Variants in GRK5 observed in about 807,000 individuals in gnomAD.
GRK5 encodes g protein-coupled receptor kinase GRK5.
Under a neutral mutation model 78.4 loss-of-function variants are expected in GRK5, and 40 were observed. The observed-to-expected ratio is 0.51, with a 90% CI of 0.40 to 0.66. The LOEUF (loss-of-function observed/expected upper bound fraction) is 0.66, where lower values mean the gene tolerates loss of function less well. GRK5 is among the 30% of genes least tolerant of loss of function. The pLI is 0.00. For synonymous variants in GRK5, 289 were observed against 296.8 expected (o/e 0.97, Z 0.27); for missense variants, 598 against 759.9 (o/e 0.79, Z 2.50).
At chr10:119,291,570 T>TTCC (rs751370931) in intron 1 of GRK5, among the ~76,000 whole-genome samples, 6 of 86,104 alleles carry the variant, frequency 7.0e-5, no homozygotes, top group East Asian at 3.9e-4. Flanking sequence ...CCTCCTCCTC[T>TTCC]TCCTCCTCCT....
intron 1 of GRK5, among the ~76,000 whole-genome samples, chr10:119,278,150 G>T (rs1196915925): frequency 6.6e-6 from 1 of 152,168 alleles, no homozygotes; most frequent in Non-Finnish European, 1.5e-5. Context: ...TTTGGGACAA[G>T]GAATCGTTGT....
intron 3 of GRK5, among the ~76,000 whole-genome samples, chr10:119,393,935 T>C (rs1851928834): frequency 6.7e-6 from 1 of 149,880 alleles, no homozygotes; most frequent in African/African-American, 2.5e-5. Context: ...TGGGTATCTG[T>C]GGGTGTGTGG....
chr10:119,335,129 C>CCTCTCTCTCTCTCTCTCTCTCTCTCT (rs71016564), intron 2 of GRK5: 1 of 9,870 alleles, frequency 1.0e-4, no homozygotes, highest in Non-Finnish European at 1.8e-4. Context: ...GCCTGCCTTG[C>CCTCTCTCTCTCTCTCTCTCTCTCTCT]CTCTCTCTCT....
At chr10:119,360,849 C>T (rs369068806) in intron 2 of GRK5, among the ~76,000 whole-genome samples, 5 of 152,312 alleles carry the variant, frequency 3.3e-5, no homozygotes, top group African/African-American at 1.2e-4. Flanking sequence ...GGGAACACAG[C>T]TCCCTTCCTG....
intron 1 of GRK5, among the ~76,000 whole-genome samples, chr10:119,306,401 G>T (rs999197401): frequency 6.6e-6 from 1 of 152,142 alleles, no homozygotes; most frequent in African/African-American, 2.4e-5. Context: ...GCGCATGTGC[G>T]CTTCTTCTAG....
At chr10:119,344,656 G>T (rs1369761369) in intron 2 of GRK5, among the ~76,000 whole-genome samples, 2 of 152,212 alleles carry the variant, frequency 1.3e-5, no homozygotes, top group African/African-American at 4.8e-5. Flanking sequence ...AGATGGGCAT[G>T]AATGTCACAC....
intron 4 of GRK5, among the ~76,000 whole-genome samples, chr10:119,418,073 A>C (rs1852498167): frequency 6.6e-6 from 1 of 152,136 alleles, no homozygotes; most frequent in African/African-American, 2.4e-5. Context: ...CCAAACCAGC[A>C]CGAGCTCTGT....
chr10:119,385,002 A>AG (rs1378123376), intron 3 of GRK5, among the ~76,000 whole-genome samples: 1 of 152,192 alleles, frequency 6.6e-6, no homozygotes, highest in Non-Finnish European at 1.5e-5. Flanking sequence ...CATTTGACTG[A>AG]GGACCAGGAA....
intron 1 of GRK5, among the ~76,000 whole-genome samples, chr10:119,255,992 T>C (rs1447867460): frequency 6.6e-6 from 1 of 152,194 alleles, no homozygotes; most frequent in Non-Finnish European, 1.5e-5. Context: ...TTCCATTTCC[T>C]AGTAAGTAAC....
intron 6 of GRK5, among the ~76,000 whole-genome samples, chr10:119,428,708 T>C (rs569762999): frequency 6.6e-6 from 1 of 152,224 alleles, no homozygotes; most frequent in Non-Finnish European, 1.5e-5. Flanking sequence ...GAAATTATCC[T>C]TTTTACTCTG....
chr10:119,322,096 C>T (rs539411016), intron 1 of GRK5, among the ~76,000 whole-genome samples: 17 of 152,234 alleles, frequency 1.1e-4, no homozygotes, highest in Non-Finnish European at 1.5e-4. Flanking sequence ...TCCTCCTGTG[C>T]GCCACCACGC....
At chr10:119,237,209 T>C (rs184380885) in intron 1 of GRK5, among the ~76,000 whole-genome samples, 57 of 152,148 alleles carry the variant, frequency 3.7e-4, no homozygotes, top group Middle Eastern at 3.4e-3. Flanking sequence ...ATTACAGGCA[T>C]GTGCCACCAT....
intron 3 of GRK5, among the ~76,000 whole-genome samples, chr10:119,394,829 G>GCT (rs1324606463): frequency 6.7e-6 from 1 of 150,310 alleles, no homozygotes; most frequent in Non-Finnish European, 1.5e-5. Context: ...GTGTGTATCT[G>GCT]TGTCTGTGGG....
rs1459337324 is a variant in GRK5, at chr10:119,394,825, ATCTGTG to A, written c.262-1863_262-1858del. On this transcript the variant is annotated intron_variant, in intron 3 of 15. Transcript: ENST00000392870. ...TGTGGGTGTGTGTGTGGGTGTGTGT[ATCTGTG>A]TCTGTGGGCACGTGTGTGTGCACAC... Among the ~76,000 whole-genome samples the A allele has an allele frequency of 1.2e-4, 17 of 145,734 alleles. No individual in the cohort carries two copies. The South Asian group carries it at 3.8e-3, about 32-fold the overall frequency.
intron 4 of GRK5, among the ~76,000 whole-genome samples, chr10:119,399,839 C>T (rs1464283946): frequency 6.6e-6 from 1 of 152,218 alleles, no homozygotes; most frequent in African/African-American, 2.4e-5. Flanking sequence ...AGCATCCTTT[C>T]CTGGGACCTC....
chr10:119,219,595 G>A lies in GRK5; in HGVS notation c.52+11626G>A, dbSNP rs997484817. On this transcript the variant is annotated intron_variant, in intron 1 of 15. Coordinates refer to ENST00000392870, the MANE Select transcript of GRK5 (RefSeq NM_005308.3). ...AAATGGCCTTGGGGTCACAATAGAT[G>A]GTACATTAGGATACGATTCAACATG... 3.9e-5 allele frequency among the ~76,000 whole-genome samples: 6 copies of A among 152,184 alleles called. No individual in the cohort carries two copies. In the East Asian group the frequency reaches 9.6e-4, roughly 24 times the overall value.
At chr10:119,288,820 C>T (rs750610920) in intron 1 of GRK5, among the ~76,000 whole-genome samples, 3 of 152,196 alleles carry the variant, frequency 2.0e-5, no homozygotes, top group Non-Finnish European at 4.4e-5. Flanking sequence ...GTCCCAGTGG[C>T]GGCTGGCTGG....
intron 1 of GRK5, among the ~76,000 whole-genome samples, chr10:119,228,459 A>C (rs1400301535): frequency 6.6e-6 from 1 of 151,896 alleles, no homozygotes. Context: ...AAAAAAAAAA[A>C]AAAATTAAAA....
intron 4 of GRK5, among the ~76,000 whole-genome samples, chr10:119,415,005 C>CT (rs151265858): frequency 0.058 from 8,240 of 142,760 alleles, 404 homozygotes; most frequent in East Asian, 0.25. Context: ...TAACTTGAAC[C>CT]TGGGAGGTGG....
Sources: allele counts gnomAD v4.1 joint callset (sites outside exome capture counted in the v4.1 genomes callset), GRCh38; gene constraint gnomAD v4.1.1; transcripts MANE v1.5; gene names NCBI Gene and HGNC (gene_info 2026-07-23, HGNC 2026-07-21).